The following MND1 variants were observed in gnomAD, a reference collection of about 807,000 sequenced individuals.
MND1 encodes meiotic nuclear division protein 1 homolog.
In MND1, 28 loss-of-function variants were observed where a neutral mutation model predicts 35.1. That is an observed-to-expected ratio of 0.80 (90% CI 0.59 to 1.09). MND1 has a LOEUF of 1.09. MND1 is among the 50% of genes least tolerant of loss of function. The pLI is 0.00. For synonymous variants in MND1, 69 were observed against 70.5 expected (o/e 0.98, Z 0.11); for missense variants, 213 against 239.6 (o/e 0.89, Z 0.73).
At chr4:153,349,391 G>T (rs1773156985) in intron 1 of MND1, among the ~76,000 whole-genome samples, 1 of 152,052 alleles carries the variant, frequency 6.6e-6, no homozygotes, top group African/African-American at 2.4e-5. Flanking sequence ...TCACTAGTCT[G>T]CTTTAGAAAT....
intron 6 of MND1, among the ~76,000 whole-genome samples, chr4:153,405,191 A>G (rs1398007766): frequency 6.6e-6 from 1 of 152,158 alleles, no homozygotes; most frequent in African/African-American, 2.4e-5. Context: ...AAGAATCTTG[A>G]AAAAGAACAA....
chr4:153,391,751 T>G (rs28412505), intron 4 of MND1, among the ~76,000 whole-genome samples: 1 of 89,864 alleles, frequency 1.1e-5, no homozygotes. Flanking sequence ...CACACACACA[T>G]ACATACATAT....
chr4:153,382,695 C>T (rs1223496984), intron 4 of MND1, among the ~76,000 whole-genome samples: 1 of 152,146 alleles, frequency 6.6e-6, no homozygotes, highest in Non-Finnish European at 1.5e-5. Context: ...AGTTTAAACT[C>T]TTAACTGGTG....
intron 4 of MND1, among the ~76,000 whole-genome samples, chr4:153,383,350 T>C (rs1229659232): frequency 6.6e-6 from 1 of 152,000 alleles, no homozygotes; most frequent in Non-Finnish European, 1.5e-5. Flanking sequence ...GCCAGAAAAA[T>C]AGAATGTGTT....
chr4:153,391,109 A>G (rs967503854), intron 4 of MND1, among the ~76,000 whole-genome samples: 5 of 152,056 alleles, frequency 3.3e-5, no homozygotes, highest in African/African-American at 1.2e-4. Flanking sequence ...AATGTTATGT[A>G]TATATTTTAA....
intron 4 of MND1, among the ~76,000 whole-genome samples, chr4:153,392,405 G>A (rs912534195): frequency 6.6e-6 from 1 of 152,010 alleles, no homozygotes; most frequent in African/African-American, 2.4e-5. Context: ...ATGCCCGGCC[G>A]TAAACAGTTA....
rs186443366 is a variant in MND1, at chr4:153,371,704, T to C, written c.276+13082T>C. Among the ~76,000 whole-genome samples, 99 of 152,242 alleles carry C rather than the reference T, an allele frequency of 6.5e-4. 4 individuals carry two copies. The highest frequency in any genetic ancestry group is 1.8e-4 in the Non-Finnish European group (12 of 68,028). ...ACCCAGACCACTAAAACTTTCTCTA[T>C]CTCAGCAATACGGCTGTTTTGCTTT... On this transcript the variant is annotated intron_variant, in intron 4 of 7. Transcript: ENST00000240488.
chr4:153,348,912 G>A (rs1041703773), intron 1 of MND1, among the ~76,000 whole-genome samples: 6 of 152,112 alleles, frequency 3.9e-5, no homozygotes, highest in African/African-American at 9.7e-5. Context: ...GTAAACTCAC[G>A]TTTTCTGATG....
In MND1 at chr4:153,415,050, C is replaced by T. The variant is rs903668915; in HGVS notation, c.*193C>T. ...AAAGCAGGATGATAACCATATCCCC[C>T]CAGTGCTCATCAAAGTAGGACAATA... On this transcript the variant is annotated 3_prime_UTR_variant, in exon 8 of 8. Transcript: ENST00000240488. The T allele has an allele frequency of 2.8e-6, 1 of 354,768 alleles. No individual in the cohort carries two copies. The highest frequency in any genetic ancestry group is 2.1e-5 in the African/African-American group (1 of 47,422). 22.0% of individuals were successfully genotyped at this position (354,768 alleles called of 1,614,324 possible). A position where few individuals can be genotyped will look rare whatever the true frequency, so the allele number is the denominator to read the frequency against.
chr4:153,398,005 A>G (rs1053283400), intron 6 of MND1, among the ~76,000 whole-genome samples: 13 of 152,252 alleles, frequency 8.5e-5, no homozygotes, highest in African/African-American at 2.9e-4. Flanking sequence ...AAAGAAATCC[A>G]TCATTATCTT....
chr4:153,357,464 G>A (rs890044711), intron 3 of MND1, among the ~76,000 whole-genome samples: 3 of 152,170 alleles, frequency 2.0e-5, no homozygotes, highest in African/African-American at 7.2e-5. Context: ...GCCTGCTGTT[G>A]ACAGGAAGCC....
intron 4 of MND1, among the ~76,000 whole-genome samples, chr4:153,379,774 C>T (rs1728616556): frequency 6.8e-6 from 1 of 147,886 alleles, no homozygotes; most frequent in Non-Finnish European, 1.5e-5. Context: ...CGCTTGAACC[C>T]GGGAGGCAGA....
At chr4:153,407,607 T>C (rs910248874) in intron 6 of MND1, among the ~76,000 whole-genome samples, 6 of 152,174 alleles carry the variant, frequency 3.9e-5, no homozygotes, top group African/African-American at 1.4e-4. Flanking sequence ...TGAAAATATG[T>C]CCACACAAAA....
chr4:153,385,806 G>T (rs1452552237), intron 4 of MND1, among the ~76,000 whole-genome samples: 1 of 151,940 alleles, frequency 6.6e-6, no homozygotes, highest in African/African-American at 2.4e-5. Context: ...ATTTATCTTG[G>T]CTTTGCCTTT....
chr4:153,380,697 G>T (rs1728652716), intron 4 of MND1, among the ~76,000 whole-genome samples: 1 of 152,008 alleles, frequency 6.6e-6, no homozygotes. Flanking sequence ...TTTCTAAACC[G>T]AATTGTCTTA....
chr4:153,363,177 C>A (rs1773539383), intron 4 of MND1, among the ~76,000 whole-genome samples: 1 of 151,316 alleles, frequency 6.6e-6, no homozygotes, highest in Non-Finnish European at 1.5e-5. Flanking sequence ...TCTGTTGTTG[C>A]TCTTTGTTTT....
At chr4:153,381,089 CAG>C (rs1728667875) in intron 4 of MND1, among the ~76,000 whole-genome samples, 1 of 152,012 alleles carries the variant, frequency 6.6e-6, no homozygotes, top group Non-Finnish European at 1.5e-5. Flanking sequence ...TTAGTAGAGA[CAG>C]GGTTTCAACG....
rs762553727 is a variant in MND1 at position 153,414,785 on chromosome 4, A to C, written c.546A>C (p.Arg182Ser). The C allele has an allele frequency of 1.1e-5, 17 of 1,556,206 alleles. No individual in the cohort carries two copies. The Middle Eastern group carries it at 2.6e-3, about 233-fold the overall frequency. The change falls in exon 8 of 8, where the codon AGA becomes AGC. Residue 182 changes from arginine to serine, a missense_variant. By Grantham distance (110) the Arg-to-Ser change is moderately radical. Transcript: ENST00000240488. ...TCGCAATAAAATCTTGGGCCAAAAGAAAATTTGGGTTTGAAGAAAATAAAA... is the reference window on the plus strand; with the variant it reads ...TCGCAATAAAATCTTGGGCCAAAAGCAAATTTGGGTTTGAAGAAAATAAAA... ...NIFAIKSWAK[R>S]KFGFEENKID...
At position 153,344,822 on chromosome 4, in the gene MND1, G is replaced by T. The variant is rs1579883254; in HGVS notation, c.3+82G>T. 4 of 1,552,812 alleles carry T rather than the reference G, an allele frequency of 2.6e-6. No individual in the cohort carries two copies. The South Asian group carries it at 3.6e-5, about 14-fold the overall frequency. On this transcript the variant is annotated intron_variant, in intron 1 of 7. Transcript: ENST00000240488. ...CGCCCCTCGGCTGCATGTGGATCCC[G>T]GCCTGGCGTTGACCGCCATTCCGGG...
Sources: gnomAD v4.1 joint callset for allele counts (sites outside exome capture counted in the v4.1 genomes callset) on GRCh38, gnomAD v4.1.1 for gene constraint, MANE v1.5 for transcripts, NCBI Gene and HGNC (gene_info 2026-07-23, HGNC 2026-07-21) for gene names.